The following VAV1 variants were observed in gnomAD, a reference collection of about 807,000 sequenced individuals.
The protein encoded by VAV1 is proto-oncogene vav.
In VAV1, 33 loss-of-function variants were observed where a neutral mutation model predicts 128.1. That is an observed-to-expected ratio of 0.26 (90% CI 0.20 to 0.34). VAV1 has a LOEUF of 0.34. Ranked by LOEUF, VAV1 falls within the 10% of genes least tolerant of loss-of-function variation. The pLI, the probability that VAV1 is intolerant of heterozygous loss-of-function variation, is 1.00. For synonymous variants in VAV1, 394 were observed against 409.8 expected (o/e 0.96, Z 0.47); for missense variants, 715 against 1,093.7 (o/e 0.65, Z 4.88).
Position 6,828,785 on chromosome 19 carries a change from C to T in VAV1, c.1180-30C>T. ...TGTGTCTGGCTCCTTTCTTGGGAGA[C>T]CCTTGCTAGACCCCCTGCCTACTGC... is the stretch of plus-strand genomic sequence containing the variant. On this transcript the variant is annotated intron_variant, in intron 12 of 26. Transcript: ENST00000602142. This position sits in a 1 kb window ranked among gnomAD's most constrained non-coding sequence, Gnocchi z 4.5. The T allele has an allele frequency of 6.2e-7, 1 of 1,614,020 alleles. No individual in the cohort carries two copies. The highest frequency in any genetic ancestry group is 8.5e-7 in the Non-Finnish European group (1 of 1,179,962).
chr19:6,807,434 A>T lies in VAV1; in HGVS notation c.205-13268A>T, dbSNP rs368564136. Among the ~76,000 whole-genome samples the T allele has an allele frequency of 2.6e-4, 40 of 152,246 alleles. No homozygotes were observed. The East Asian group carries it at 5.4e-3, about 21-fold the overall frequency. ...CACTCCTATGAGGATCTAACGCTGC[A>T]GCTGATCTGACAGGAGGTGGGGCTC... is the stretch of plus-strand genomic sequence containing the variant. On this transcript the variant is annotated intron_variant, in intron 1 of 26. Coordinates refer to ENST00000602142, the MANE Select transcript of VAV1 (RefSeq NM_005428.4).
chr19:6,832,869 A>G (rs11668094), intron 15 of VAV1, among the ~76,000 whole-genome samples: 31,363 of 152,144 alleles, frequency 0.21, 3,588 homozygotes, highest in Middle Eastern at 0.27. Flanking sequence ...CACTAACAGC[A>G]TTGTGCAACC....
chr19:6,787,221 G>C (rs1970913503), intron 1 of VAV1, among the ~76,000 whole-genome samples: 2 of 152,226 alleles, frequency 1.3e-5, no homozygotes, highest in South Asian at 4.1e-4. Flanking sequence ...TGTCACCAAG[G>C]CTGGAGTGCA....
chr19:6,778,088 C>A (rs931527380), intron 1 of VAV1, among the ~76,000 whole-genome samples: 1 of 152,172 alleles, frequency 6.6e-6, no homozygotes, highest in Non-Finnish European at 1.5e-5. Context: ...AGATGCGTGC[C>A]ACCATGCCTG....
chr19:6,798,168 T>C (rs764288298), intron 1 of VAV1, among the ~76,000 whole-genome samples: 17 of 151,750 alleles, frequency 1.1e-4, no homozygotes, highest in Non-Finnish European at 2.4e-4. Flanking sequence ...TCCCAGCTAC[T>C]CAGGAGGTGG....
intron 1 of VAV1, chr19:6,816,318 C>G (rs2144759469): frequency 6.6e-6 from 1 of 152,188 alleles, no homozygotes; most frequent in East Asian, 1.9e-4. Context: ...CCATGCCCGG[C>G]TACAAAAACA....
At chr19:6,788,345 T>C (rs561311521) in intron 1 of VAV1, among the ~76,000 whole-genome samples, 193 of 115,646 alleles carry the variant, frequency 1.7e-3, no homozygotes, top group African/African-American at 6.0e-3. Context: ...CATGATTCTT[T>C]TTATTTTATT....
rs1381615076 is a variant in VAV1 at position 6,772,915 on chromosome 19, C to T, written c.108C>T (p.Ala36=). The change falls in exon 1 of 27, where the codon GCC becomes GCT. Residue 36 remains alanine, a synonymous_variant. Transcript: ENST00000602142. The surrounding 1 kb of genome is among the most constrained non-coding windows in gnomAD (Gnocchi z 4.8). ...DGAQVCELAQ[A]LRDGVLLCQL... ...CTCAGGTGTGTGAACTGGCCCAGGC[C>T]CTCCGGGATGGTGTCCTTCTGTGTC... The T allele has an allele frequency of 2.5e-6, 4 of 1,614,058 alleles. No homozygotes were observed. Among genetic ancestry groups the T allele is most frequent in the South Asian group, 2.2e-5 (2 of 91,084 alleles).
chr19:6,788,568 G>C (rs1970947341), intron 1 of VAV1, among the ~76,000 whole-genome samples: 3 of 151,930 alleles, frequency 2.0e-5, no homozygotes. Context: ...GTAGAGACGG[G>C]GTTTCACCAG....
intron 1 of VAV1, among the ~76,000 whole-genome samples, chr19:6,794,421 C>G (rs562255054): frequency 6.6e-6 from 1 of 152,090 alleles, no homozygotes. Flanking sequence ...AGGAGGATTG[C>G]TTGAGCCCAG....
At chr19:6,784,085 C>A in intron 1 of VAV1, 1 of 417,474 alleles carries the variant, frequency 2.4e-6, no homozygotes, top group Non-Finnish European at 4.3e-6. Flanking sequence ...AAGGTCCCGT[C>A]TCTACAAAAA....
At chr19:6,844,976 T>A (rs2144816907) in intron 22 of VAV1, among the ~76,000 whole-genome samples, 1 of 152,190 alleles carries the variant, frequency 6.6e-6, no homozygotes, top group African/African-American at 2.4e-5. Flanking sequence ...GGCAGTCAGA[T>A]TCTGTCTTTA....
intron 1 of VAV1, among the ~76,000 whole-genome samples, chr19:6,804,412 A>T (rs1971340911): frequency 6.6e-6 from 1 of 151,000 alleles, no homozygotes; most frequent in Non-Finnish European, 1.5e-5. Flanking sequence ...GGTCCTATTT[A>T]TATTTATTTA....
At chr19:6,856,296 CAA>C (rs60096400) in intron 26 of VAV1, among the ~76,000 whole-genome samples, 1 of 132,896 alleles carries the variant, frequency 7.5e-6, no homozygotes, top group Admixed American at 7.7e-5. Context: ...GACTGTGTCT[CAA>C]AAAAAAAAAA....
intron 1 of VAV1, among the ~76,000 whole-genome samples, chr19:6,807,474 G>A (rs1232837306): frequency 6.6e-6 from 1 of 152,114 alleles, no homozygotes; most frequent in African/African-American, 2.4e-5. Context: ...GGTAATGCGA[G>A]CAATGGGGAG....
Position 6,836,369 on chromosome 19 carries a change from G to A in VAV1, c.1778-63G>A, listed in dbSNP as rs1056803017. 37 of 1,557,146 alleles carry A rather than the reference G, an allele frequency of 2.4e-5. No individual in the cohort carries two copies. The Middle Eastern group carries it at 8.6e-4, about 36-fold the overall frequency. ...AAAAATTTTAGCCATTCTCGTGGGT[G>A]GCAAGATTCAGGGTTGAAAGTTGAC... is the stretch of plus-strand genomic sequence containing the variant. On this transcript the variant is annotated intron_variant, in intron 19 of 26. Coordinates refer to ENST00000602142, the MANE Select transcript of VAV1 (RefSeq NM_005428.4).
chr19:6,837,267 G>A (rs1972245476), intron 21 of VAV1, among the ~76,000 whole-genome samples: 1 of 152,154 alleles, frequency 6.6e-6, no homozygotes, highest in Non-Finnish European at 1.5e-5. Flanking sequence ...GATCATTTTT[G>A]TGTAAAGGTC....
At chr19:6,804,875 C>T (rs1388093494) in intron 1 of VAV1, among the ~76,000 whole-genome samples, 1 of 151,938 alleles carries the variant, frequency 6.6e-6, no homozygotes, top group Non-Finnish European at 1.5e-5. Context: ...AGGCGCCCGC[C>T]ACCATGCCCG....
At chr19:6,847,279 C>T (rs1972547641) in intron 22 of VAV1, among the ~76,000 whole-genome samples, 1 of 152,162 alleles carries the variant, frequency 6.6e-6, no homozygotes, top group Admixed American at 6.6e-5. Context: ...ACATTCTCAG[C>T]ACCCCCAAGA....
Sources: allele counts gnomAD v4.1 joint callset (sites outside exome capture counted in the v4.1 genomes callset), GRCh38; gene constraint gnomAD v4.1.1; non-coding constraint Gnocchi (gnomAD v3.1); transcripts MANE v1.5; gene names NCBI Gene and HGNC (gene_info 2026-07-23, HGNC 2026-07-21).